The following ZMYM4 variants were observed in gnomAD, a reference collection of about 807,000 sequenced individuals.
The protein encoded by ZMYM4 is zinc finger MYM-type protein 4.
A neutral mutation model predicts 183.2 loss-of-function variants in ZMYM4; 31 were observed. That is an observed-to-expected ratio of 0.17 (90% CI 0.13 to 0.23). The LOEUF is 0.23. ZMYM4 is among the 10% of genes least tolerant of loss of function. The pLI is 1.00. For synonymous variants in ZMYM4, 592 were observed against 631.2 expected (o/e 0.94, Z 0.93); for missense variants, 1,273 against 1,840.3 (o/e 0.69, Z 5.64).
intron 2 of ZMYM4, among the ~76,000 whole-genome samples, chr1:35,355,496 T>C (rs1643789793): frequency 6.6e-6 from 1 of 152,172 alleles, no homozygotes; most frequent in Admixed American, 6.5e-5. Context: ...TTTATATGTG[T>C]ATTTGGTTAT....
chr1:35,303,279 C>A (rs1319057107), intron 1 of ZMYM4, among the ~76,000 whole-genome samples: 3 of 130,916 alleles, frequency 2.3e-5, no homozygotes, highest in African/African-American at 8.1e-5. Flanking sequence ...CAGAGGGATA[C>A]CTTGTCTCAA....
intron 24 of ZMYM4, 36 bp from the exon 25 acceptor site, chr1:35,405,333 TTTTA>T: frequency 6.3e-7 from 1 of 1,582,534 alleles, no homozygotes; most frequent in Non-Finnish European, 8.5e-7. Flanking sequence ...CGCACTTTTA[TTTTA>T]TTTAAACTTT....
At chr1:35,296,843 C>CTTTCTTTTTTTTTTTTTTTT (rs1553163901) in intron 1 of ZMYM4, among the ~76,000 whole-genome samples, 4 of 95,628 alleles carry the variant, frequency 4.2e-5, no homozygotes, top group African/African-American at 1.5e-4. Context: ...TTCTTTCTTT[C>CTTTCTTTTTTTTTTTTTTTT]TTTTTTTTTT....
intron 1 of ZMYM4, among the ~76,000 whole-genome samples, chr1:35,290,462 A>T (rs766105719): frequency 6.6e-6 from 1 of 150,756 alleles, no homozygotes; most frequent in Non-Finnish European, 1.5e-5. Flanking sequence ...TAGAGACGGG[A>T]TCCGGCTCTG....
At chr1:35,391,576 T>G (rs1644706278) in intron 15 of ZMYM4, among the ~76,000 whole-genome samples, 1 of 152,180 alleles carries the variant, frequency 6.6e-6, no homozygotes, top group Non-Finnish European at 1.5e-5. Context: ...AAGGCAAGAT[T>G]TAAGAAAAAC....
chr1:35,348,757 C>T (rs1471526528), intron 2 of ZMYM4, among the ~76,000 whole-genome samples: 1 of 152,062 alleles, frequency 6.6e-6, no homozygotes, highest in Non-Finnish European at 1.5e-5. Context: ...TGTGTTTGTT[C>T]CCAAACTTTA....
At chr1:35,330,721 A>G (rs958347877) in intron 2 of ZMYM4, among the ~76,000 whole-genome samples, 3 of 152,202 alleles carry the variant, frequency 2.0e-5, no homozygotes, top group Non-Finnish European at 4.4e-5. Flanking sequence ...TATTTCACTA[A>G]GGAGCAAACT....
chr1:35,370,443 C>T lies in ZMYM4; in HGVS notation c.997C>T (p.Pro333Ser). 1 of 1,586,586 alleles carries T rather than the reference C, an allele frequency of 6.3e-7. No homozygotes were observed. The highest frequency in any genetic ancestry group is 8.5e-7 in the Non-Finnish European group (1 of 1,172,038). Reference protein sequence around the residue: ...SGMNKMLPSVPATAVRVSCSG... With the variant: ...SGMNKMLPSVSATAVRVSCSG... ...CATGAATAAAATGCTTCCTTCAGTTCCAGCCACAGCTGTTCGAGTTTCCTG... is the reference window on the plus strand; with the variant it reads ...CATGAATAAAATGCTTCCTTCAGTTTCAGCCACAGCTGTTCGAGTTTCCTG... The change falls in exon 7 of 30, where the codon CCA (proline) becomes TCA (serine). Residue 333 changes from proline (P) to serine (S), a missense_variant. Around this residue, in one of 6 missense-constraint regions of ZMYM4, gnomAD observed 384 missense variants for 465.6 expected, o/e 0.82. Transcript: ENST00000314607.
intron 2 of ZMYM4, among the ~76,000 whole-genome samples, chr1:35,341,530 A>T (rs981972036): frequency 6.7e-6 from 1 of 149,928 alleles, no homozygotes; most frequent in Non-Finnish European, 1.5e-5. Flanking sequence ...ATATTGAAAA[A>T]CTTTTTTCAT....
intron 7 of ZMYM4, among the ~76,000 whole-genome samples, chr1:35,380,970 A>G (rs1454108122): frequency 6.6e-6 from 1 of 152,200 alleles, no homozygotes; most frequent in Non-Finnish European, 1.5e-5. Context: ...TCCCTCCTGT[A>G]GAGATAATGA....
intron 5 of ZMYM4, among the ~76,000 whole-genome samples, chr1:35,369,426 A>G (rs1455691167): frequency 1.3e-5 from 2 of 152,122 alleles, no homozygotes; most frequent in East Asian, 3.8e-4. Context: ...GGATTCTTGG[A>G]CTTCAGTTTT....
In ZMYM4 at chr1:35,359,096, G is replaced by A. The variant is rs1335453792; in HGVS notation, c.257G>A (p.Gly86Asp). 2.5e-6 allele frequency: 4 copies of A among 1,613,612 alleles called. No homozygotes were observed. The highest frequency in any genetic ancestry group is 1.7e-5 in the Admixed American group (1 of 59,980). Reference sequence around the variant, plus strand: ...GATCTTGCAGGAATTCCAGTCGTTGGTAGTGACAATGAGGATGAACAGGAT... The same window carrying A: ...GATCTTGCAGGAATTCCAGTCGTTGATAGTGACAATGAGGATGAACAGGAT... ...SGDLAGIPVV[G>D]SDNEDEQDFS... The change falls in exon 3 of 30, where the codon GGT (glycine) becomes GAT (aspartate). Residue 86 changes from glycine to aspartate, a missense_variant. Coordinates refer to ENST00000314607, the MANE Select transcript of ZMYM4 (RefSeq NM_005095.3).
In ZMYM4 at chr1:35,397,537, C is replaced by T. The variant is rs777769049; in HGVS notation, c.3191C>T (p.Ser1064Phe). 3 of 1,607,550 alleles carry T rather than the reference C, an allele frequency of 1.9e-6. No individual in the cohort carries two copies. Among genetic ancestry groups the T allele is most frequent in the South Asian group, 2.2e-5 (2 of 89,412 alleles). The change falls in exon 20 of 30, where the codon TCT (serine) becomes TTT (phenylalanine). Residue 1064 changes from serine (S) to phenylalanine (F), a missense_variant. Physicochemically the swap from Ser to Phe is radical, Grantham distance 155. This residue lies in a region of ZMYM4 where 290 missense variants were observed against 353.3 expected (regional missense o/e 0.82). Coordinates refer to ENST00000314607, the MANE Select transcript of ZMYM4 (RefSeq NM_005095.3). ...GAAGATGAAGAGAAGAAGACTCTAT[C>T]TCAGGGAGGTTGGTATACTCTTTAA... ...IAEDEEKKTL[S>F]QGESQTSEHE...
intron 18 of ZMYM4, among the ~76,000 whole-genome samples, chr1:35,394,438 A>T (rs975300658): frequency 6.6e-6 from 1 of 151,974 alleles, no homozygotes; most frequent in African/African-American, 2.4e-5. Context: ...CTCACCAGGA[A>T]TTTAGCCTCT....
At chr1:35,335,614 T>C (rs1264471211) in intron 2 of ZMYM4, among the ~76,000 whole-genome samples, 1 of 152,200 alleles carries the variant, frequency 6.6e-6, no homozygotes, top group African/African-American at 2.4e-5. Context: ...CAATGCATGA[T>C]AATTCATTAT....
At chr1:35,380,753 C>T (rs1345465139) in intron 7 of ZMYM4, among the ~76,000 whole-genome samples, 1 of 152,076 alleles carries the variant, frequency 6.6e-6, no homozygotes, top group Non-Finnish European at 1.5e-5. Context: ...TCTTCAATGC[C>T]TTTGTTACTA....
intron 1 of ZMYM4, among the ~76,000 whole-genome samples, chr1:35,294,742 G>T (rs1490385316): frequency 1.3e-5 from 2 of 152,082 alleles, no homozygotes; most frequent in Admixed American, 1.3e-4. Flanking sequence ...AGTACTGAAA[G>T]AAAATGTAGG....
At chr1:35,371,062 AGTGTGTGTGTGTGTGTGTGT>A (rs67591506) in intron 7 of ZMYM4, among the ~76,000 whole-genome samples, 2 of 126,086 alleles carry the variant, frequency 1.6e-5, no homozygotes, top group Admixed American at 1.6e-4. Context: ...AATGGCTTCC[AGTGTGTGTGTGTGTGTGTGT>A]GTGTGTGTGT....
intron 23 of ZMYM4, among the ~76,000 whole-genome samples, chr1:35,399,842 A>G (rs1423620564): frequency 1.3e-5 from 2 of 151,806 alleles, no homozygotes; most frequent in African/African-American, 4.8e-5. Flanking sequence ...TTTATGCTTT[A>G]TCTGTTTGAA....
Sources: gnomAD v4.1 joint callset for allele counts (sites outside exome capture counted in the v4.1 genomes callset) on GRCh38, gnomAD v4.1.1 for gene constraint, gnomAD v4.1.1 regional missense constraint, MANE v1.5 for transcripts, NCBI Gene and HGNC (gene_info 2026-07-23, HGNC 2026-07-21) for gene names.